Variants in NR1H4 observed in about 807,000 individuals in gnomAD.
The protein encoded by NR1H4 is bile acid receptor.
Under a neutral mutation model 58.5 loss-of-function variants are expected in NR1H4, and 23 were observed. The ratio of observed to expected loss-of-function variants is 0.39; its 90% CI spans 0.28 to 0.56. The LOEUF is 0.56. Ranked by LOEUF, NR1H4 falls within the 20% of genes least tolerant of loss-of-function variation. The probability of loss-of-function intolerance (pLI) is 0.58; values close to 1 mark genes in which losing one functional copy is unlikely to be tolerated. For missense variants in NR1H4, 487 were observed against 576.9 expected (o/e 0.84, Z 1.60); for synonymous variants, 214 against 198.0 (o/e 1.08, Z -0.68).
chr12:100,495,586 C>G (rs1953696298), intron 3 of NR1H4, among the ~76,000 whole-genome samples: 1 of 151,940 alleles, frequency 6.6e-6, no homozygotes. Flanking sequence ...CAAAAATTAG[C>G]TTGGTGTGGT....
intron 4 of NR1H4, among the ~76,000 whole-genome samples, chr12:100,529,795 C>T (rs530964524): frequency 2.0e-5 from 3 of 152,302 alleles, no homozygotes; most frequent in Admixed American, 6.5e-5. Context: ...GCCTTTTCTT[C>T]GGGGCGCTTG....
At position 100,478,295 on chromosome 12, in the gene NR1H4, T is replaced by G. The variant is rs905003810; in HGVS notation, c.-190+4236T>G. Among the ~76,000 whole-genome samples the G allele has an allele frequency of 2.6e-5, 4 of 152,322 alleles. No homozygotes were observed. In the East Asian group the frequency reaches 7.7e-4, roughly 29 times the overall value. ...TTATTAATTTAGAAAAATATCTGTA[T>G]TTTGTGTATGTCTTTCCTAGAGAGA... On this transcript the variant is annotated intron_variant, in intron 1 of 10. Transcript: ENST00000392986.
chr12:100,561,247 A>T (rs1955465028), intron 9 of NR1H4, among the ~76,000 whole-genome samples: 1 of 151,192 alleles, frequency 6.6e-6, no homozygotes. Context: ...AATACCAAAA[A>T]ATTAGCCGGG....
At chr12:100,532,251 C>A (rs2136227161) in intron 4 of NR1H4, among the ~76,000 whole-genome samples, 1 of 152,248 alleles carries the variant, frequency 6.6e-6, no homozygotes, top group Non-Finnish European at 1.5e-5. Flanking sequence ...TCAAATTTGT[C>A]TTTATTTCTG....
At chr12:100,503,474 G>A (rs773408709) in intron 3 of NR1H4, 1 of 1,597,226 alleles carries the variant, frequency 6.3e-7, no homozygotes, top group Admixed American at 1.7e-5. Context: ...TCATGGAAAT[G>A]ATGAGTATGA....
At chr12:100,487,595 CTTTT>C (rs34694873) in intron 1 of NR1H4, among the ~76,000 whole-genome samples, 1 of 115,982 alleles carries the variant, frequency 8.6e-6, no homozygotes, top group Non-Finnish European at 1.7e-5. Flanking sequence ...TCTTCTTCTT[CTTTT>C]TTTTTTTTTT....
intron 4 of NR1H4, among the ~76,000 whole-genome samples, chr12:100,517,951 GATT>G (rs1954309097): frequency 6.6e-6 from 1 of 152,226 alleles, no homozygotes; most frequent in African/African-American, 2.4e-5. Context: ...TCCACTAAGT[GATT>G]GTTCTGCTCT....
At chr12:100,475,524 T>C (rs1241963211) in intron 1 of NR1H4, among the ~76,000 whole-genome samples, 1 of 152,152 alleles carries the variant, frequency 6.6e-6, no homozygotes, top group Non-Finnish European at 1.5e-5. Flanking sequence ...TCCTTCCTCT[T>C]GTTTCCACCT....
At chr12:100,560,522 C>T (rs919456301) in intron 9 of NR1H4, among the ~76,000 whole-genome samples, 1 of 152,112 alleles carries the variant, frequency 6.6e-6, no homozygotes, top group Non-Finnish European at 1.5e-5. Flanking sequence ...CAAAGGTCTG[C>T]AGCTTCACTC....
chr12:100,506,935 G>A (rs951041904), intron 3 of NR1H4, among the ~76,000 whole-genome samples: 1 of 152,142 alleles, frequency 6.6e-6, no homozygotes, highest in Non-Finnish European at 1.5e-5. Flanking sequence ...TTATTCCAGA[G>A]ACTGAAAGAC....
chr12:100,474,266 C>T (rs1383370796), intron 1 of NR1H4, among the ~76,000 whole-genome samples: 1 of 152,174 alleles, frequency 6.6e-6, no homozygotes, highest in Non-Finnish European at 1.5e-5. Context: ...TGAGTCTTAA[C>T]AGTTGCTTAC....
chr12:100,492,319 C>A (rs1278187188), intron 1 of NR1H4, among the ~76,000 whole-genome samples, 184 bp from the exon 2 acceptor site: 3 of 152,110 alleles, frequency 2.0e-5, no homozygotes, highest in African/African-American at 4.8e-5. Context: ...ATCCAAAAAA[C>A]CCACTATATC....
At chr12:100,539,470 C>T (rs1954887837) in intron 8 of NR1H4, among the ~76,000 whole-genome samples, 2 of 152,180 alleles carry the variant, frequency 1.3e-5, no homozygotes, top group Non-Finnish European at 2.9e-5. Context: ...TAGATTCTCT[C>T]GGATGGTGGC....
At chr12:100,518,143 T>C (rs1954314282) in intron 4 of NR1H4, among the ~76,000 whole-genome samples, 1 of 152,230 alleles carries the variant, frequency 6.6e-6, no homozygotes, top group Non-Finnish European at 1.5e-5. Flanking sequence ...TCTTGTGAAC[T>C]GTGCTTATGA....
chr12:100,489,999 A>G (rs1376451723), intron 1 of NR1H4, among the ~76,000 whole-genome samples: 1 of 152,202 alleles, frequency 6.6e-6, no homozygotes, highest in African/African-American at 2.4e-5. Context: ...ATGCAGAATT[A>G]GGGGAACTGG....
At chr12:100,503,031 T>A (rs1311038496) in intron 3 of NR1H4, among the ~76,000 whole-genome samples, 1 of 152,138 alleles carries the variant, frequency 6.6e-6, no homozygotes, top group African/African-American at 2.4e-5. Flanking sequence ...AGCATTATGC[T>A]TTAAATTCTT....
rs1009461233 is a variant in NR1H4, at chr12:100,553,399, G to A, written c.1079-8486G>A. 5.4e-4 allele frequency among the ~76,000 whole-genome samples: 82 copies of A among 152,300 alleles called. 2 individuals are homozygous for A. The highest frequency in any genetic ancestry group is 8.8e-5 in the Non-Finnish European group (6 of 68,026). On this transcript the variant is annotated intron_variant, in intron 9 of 10. Coordinates refer to ENST00000392986, the MANE Select transcript of NR1H4 (RefSeq NM_001206979.2). ...AATAGAACTGAACCTAGAAAAGGAA[G>A]TAACTAATTCTGCTTCTCTGTGACA...
intron 1 of NR1H4, among the ~76,000 whole-genome samples, chr12:100,483,289 T>C (rs11110391): frequency 1.3e-5 from 2 of 152,028 alleles, no homozygotes; most frequent in South Asian, 4.2e-4. Flanking sequence ...AAAACTGAGG[T>C]TGATTAGTTT....
intron 1 of NR1H4, among the ~76,000 whole-genome samples, chr12:100,476,125 C>T (rs1953264904): frequency 6.6e-6 from 1 of 152,084 alleles, no homozygotes; most frequent in South Asian, 2.1e-4. Context: ...TAGGAAGTAG[C>T]GGGACCTGAA....
Sources: gnomAD v4.1 joint callset for allele counts (sites outside exome capture counted in the v4.1 genomes callset) on GRCh38, gnomAD v4.1.1 for gene constraint, MANE v1.5 for transcripts, NCBI Gene and HGNC (gene_info 2026-07-23, HGNC 2026-07-21) for gene names.